Variants in MTOR observed in about 807,000 individuals in gnomAD.
MTOR encodes the protein mechanistic target of rapamycin kinase, also known as serine/threonine-protein kinase mTOR.
MTOR carries 70 observed loss-of-function variants against 319.8 expected under a neutral mutation model. The observed-to-expected ratio is 0.22, with a 90% CI of 0.18 to 0.27. The LOEUF is 0.27. Among genes scored for constraint, MTOR ranks in the 10% least tolerant of loss-of-function variants. The probability of loss-of-function intolerance (pLI) is 1.00; values close to 1 mark genes in which losing one functional copy is unlikely to be tolerated. For missense variants in MTOR, 1,890 were observed against 3,274.4 expected (o/e 0.58, Z 10.32); for synonymous variants, 1,183 against 1,211.4 (o/e 0.98, Z 0.49).
chr1:11,166,840 C>T (rs1269027721), intron 29 of MTOR, among the ~76,000 whole-genome samples: 1 of 152,126 alleles, frequency 6.6e-6, no homozygotes, highest in African/African-American at 2.4e-5. Context: ...GACTTGGAAC[C>T]AACCCAAATG....
chr1:11,119,573 GAAAAAAAAAAA>G (rs555425607), intron 49 of MTOR, among the ~76,000 whole-genome samples: 4 of 24,864 alleles, frequency 1.6e-4, no homozygotes, highest in African/African-American at 4.1e-4. Flanking sequence ...TCCGTCTCGA[GAAAAAAAAAAA>G]AAAAAAAAAA....
chr1:11,204,426 TTC>T lies in MTOR; in HGVS notation c.3944+133_3944+134del. 1.4e-5 allele frequency: 17 copies of T among 1,245,300 alleles called. No homozygotes were observed. In the South Asian group the frequency reaches 2.7e-4, roughly 20 times the overall value. The allele number at this position is 1,245,300 out of a possible 1,614,324, so 77.1% of individuals were successfully genotyped here. On this transcript the variant is annotated intron_variant, in intron 26 of 57. Coordinates refer to ENST00000361445, the MANE Select transcript of MTOR (RefSeq NM_004958.4). Reference sequence around the variant, plus strand: ...CAGTATGAGCTTGTTGAATTTGTCTTTCTCTTTCTTTGTATCCCACAAAATTA... The same window carrying T: ...CAGTATGAGCTTGTTGAATTTGTCTTTCTTTCTTTGTATCCCACAAAATTA...
At chr1:11,175,798 G>A (rs1464965518) in intron 28 of MTOR, among the ~76,000 whole-genome samples, 4 of 148,690 alleles carry the variant, frequency 2.7e-5, no homozygotes, top group Non-Finnish European at 5.9e-5. Context: ...AGACTGGAGT[G>A]CAGTGGCGCA....
chr1:11,197,499 G>A (rs1002089724), intron 28 of MTOR, among the ~76,000 whole-genome samples: 8 of 152,272 alleles, frequency 5.3e-5, no homozygotes, highest in African/African-American at 9.6e-5. Context: ...CCAAAGAGCC[G>A]AGCACACTGG....
intron 38 of MTOR, chr1:11,131,580 C>G (rs996413606): frequency 3.9e-5 from 6 of 152,270 alleles, no homozygotes; most frequent in African/African-American, 1.4e-4. Context: ...TCTGCCTGGT[C>G]CCAACACCTA....
At position 11,199,467 on chromosome 1, in the gene MTOR, T is replaced by C. The variant is rs1645892459; in HGVS notation, c.4108-64A>G. ...AGATGGGGCACAAACAAGAGAAGGC[T>C]GTGTGGATGCTTCTCTCCTCCCACC... On this transcript the variant is annotated intron_variant, in intron 27 of 57. Coordinates refer to ENST00000361445, the MANE Select transcript of MTOR (RefSeq NM_004958.4). This position sits in a 1 kb window ranked among gnomAD's most constrained non-coding sequence, Gnocchi z 4.5. 2 of 1,613,714 alleles carry C rather than the reference T, an allele frequency of 1.2e-6. No homozygotes were observed. Among genetic ancestry groups the C allele is most frequent in the Non-Finnish European group, 1.7e-6 (2 of 1,179,648 alleles).
At chr1:11,189,943 C>T in intron 28 of MTOR, 1 of 1,608,832 alleles carries the variant, frequency 6.2e-7, no homozygotes. Context: ...GACGGTCACT[C>T]AGACCTCCGC....
chr1:11,145,573 T>C (rs953986055), intron 32 of MTOR, among the ~76,000 whole-genome samples: 6 of 149,864 alleles, frequency 4.0e-5, no homozygotes, highest in Admixed American at 1.3e-4. Context: ...TTAGTAGAGA[T>C]AGGGTTTCTC....
chr1:11,219,827 C>G (rs2100819609), intron 19 of MTOR, among the ~76,000 whole-genome samples: 1 of 151,706 alleles, frequency 6.6e-6, no homozygotes, highest in East Asian at 1.9e-4. Context: ...AGTTCAAGAC[C>G]AGCCTGGGCA....
chr1:11,242,930 T>C (rs1168915273), intron 9 of MTOR, among the ~76,000 whole-genome samples, 184 bp downstream of exon 9: 3 of 149,924 alleles, frequency 2.0e-5, no homozygotes, highest in South Asian at 2.1e-4. Context: ...AAATATTTCA[T>C]ATATGTTATT....
At position 11,139,657 on chromosome 1, in the gene MTOR, C is replaced by T. The variant is rs2100479444; in HGVS notation, c.4874G>A (p.Gly1625Asp). The T allele has an allele frequency of 6.2e-7, 1 of 1,614,194 alleles. No individual in the cohort carries two copies. Among genetic ancestry groups the T allele is most frequent in the Non-Finnish European group, 8.5e-7 (1 of 1,180,044 alleles). The change falls in exon 35 of 58, where the codon GGC becomes GAC. Residue 1625 changes from glycine to aspartate, a missense_variant and splice_region_variant. Physicochemically the swap from Gly to Asp is moderately conservative, Grantham distance 94 (BLOSUM62 -1). Coordinates refer to ENST00000361445, the MANE Select transcript of MTOR (RefSeq NM_004958.4). ...CCAGTCCTCTACGATACGCTGGCAGCCCTGGAACATTCAGAAGTGAAGATT... is the reference window on the plus strand; with the variant it reads ...CCAGTCCTCTACGATACGCTGGCAGTCCTGGAACATTCAGAAGTGAAGATT... ...IRQIWWERLQGCQRIVEDWQK... is the reference protein window; with the variant it reads ...IRQIWWERLQDCQRIVEDWQK...
intron 5 of MTOR, among the ~76,000 whole-genome samples, chr1:11,254,449 A>G (rs557131896): frequency 2.0e-5 from 3 of 152,128 alleles, no homozygotes; most frequent in African/African-American, 4.8e-5. Context: ...CCCAGCTTCA[A>G]TTCTCATAAT....
chr1:11,112,818 G>T lies in MTOR; in HGVS notation c.7366+34C>A, dbSNP rs201728709. 1.3e-5 allele frequency: 21 copies of T among 1,611,538 alleles called. No homozygotes were observed. In the African/African-American group the frequency reaches 1.3e-4, roughly 10 times the overall value. On this transcript the variant is annotated intron_variant, in intron 54 of 57. Transcript: ENST00000361445. Reference sequence around the variant, plus strand: ...CTCTACAAACACTCTGCACAAGGGGGAGAGCCTTTGCGACCTCCCGTGGAT... The same window carrying T: ...CTCTACAAACACTCTGCACAAGGGGTAGAGCCTTTGCGACCTCCCGTGGAT...
chr1:11,195,122 T>A, intron 28 of MTOR: 1 of 1,251,924 alleles, frequency 8.0e-7, no homozygotes, highest in Non-Finnish European at 1.1e-6. Context: ...AGGGTAGGAC[T>A]GAGAAACAGC....
At chr1:11,242,576 G>A (rs1569769857) in intron 9 of MTOR, among the ~76,000 whole-genome samples, 1 of 150,110 alleles carries the variant, frequency 6.7e-6, no homozygotes, top group Non-Finnish European at 1.5e-5. Context: ...TAATAAACAG[G>A]GAAGTATAAA....
chr1:11,226,263 T>C (rs1201817137), intron 19 of MTOR: 1 of 152,206 alleles, frequency 6.6e-6, no homozygotes, highest in Non-Finnish European at 1.5e-5. Context: ...AGTGCTCATT[T>C]TGGCAGCACG....
At chr1:11,176,272 G>A (rs1275278137) in intron 28 of MTOR, among the ~76,000 whole-genome samples, 1 of 152,154 alleles carries the variant, frequency 6.6e-6, no homozygotes, top group African/African-American at 2.4e-5. Flanking sequence ...GTGCCTCCTT[G>A]AGTGGCCCAC....
rs748181317 is a variant in MTOR at position 11,204,723 on chromosome 1, A to G, written c.3802-20T>C. 14 of 1,607,928 alleles carry G rather than the reference A, an allele frequency of 8.7e-6. No individual in the cohort carries two copies. The highest frequency in any genetic ancestry group is 1.2e-5 in the Non-Finnish European group (14 of 1,175,810). ...CCAGGCCTGTGATCCCACAGGTGAC[A>G]ATGGAAAACAATCAGTTTCAAGGGC... On this transcript the variant is annotated intron_variant, in intron 25 of 57. Transcript: ENST00000361445.
At chr1:11,258,324 C>T (rs886205697) in intron 3 of MTOR, among the ~76,000 whole-genome samples, 161 bp downstream of exon 3, 13 of 152,172 alleles carry the variant, frequency 8.5e-5, no homozygotes, top group African/African-American at 2.9e-4. Flanking sequence ...TCTAAAAATA[C>T]GTTTTTCCTG....
Sources: allele counts gnomAD v4.1 joint callset (sites outside exome capture counted in the v4.1 genomes callset), GRCh38; gene constraint gnomAD v4.1.1; non-coding constraint Gnocchi (gnomAD v3.1); transcripts MANE v1.5; gene names NCBI Gene and HGNC (gene_info 2026-07-23, HGNC 2026-07-21).